PHACTR1: variants seen among roughly 807,000 people sequenced by gnomAD.
PHACTR1 encodes the protein RPEL repeat containing 1.
PHACTR1 carries 16 observed loss-of-function variants against 69.2 expected under a neutral mutation model. The ratio of observed to expected loss-of-function variants is 0.23; its 90% CI spans 0.16 to 0.35. The LOEUF is 0.35. Ranked by LOEUF, PHACTR1 falls within the 10% of genes least tolerant of loss-of-function variation. The pLI, the probability that PHACTR1 is intolerant of heterozygous loss-of-function variation, is 1.00. For synonymous variants in PHACTR1, 312 were observed against 284.5 expected (o/e 1.10, Z -0.97); for missense variants, 510 against 734.7 (o/e 0.69, Z 3.54).
chr6:13,108,075 A>G (rs1310195275), intron 5 of PHACTR1, among the ~76,000 whole-genome samples: 1 of 151,884 alleles, frequency 6.6e-6, no homozygotes. Flanking sequence ...GGTAGTTTAC[A>G]TTTTCATTAT....
At chr6:12,865,477 T>TGC (rs1327364816) in intron 4 of PHACTR1, among the ~76,000 whole-genome samples, 13 of 151,742 alleles carry the variant, frequency 8.6e-5, no homozygotes, top group Non-Finnish European at 5.9e-5. Flanking sequence ...TGTGTGTGTG[T>TGC]GTGCCTGCGT....
chr6:13,178,589 T>C (rs1761737638), intron 6 of PHACTR1, among the ~76,000 whole-genome samples: 1 of 152,262 alleles, frequency 6.6e-6, no homozygotes, highest in South Asian at 2.1e-4. Flanking sequence ...CGGGTTGCTA[T>C]GCCAGCTACA....
chr6:13,167,074 A>G (rs1035565291), intron 6 of PHACTR1, among the ~76,000 whole-genome samples: 16 of 152,240 alleles, frequency 1.1e-4, no homozygotes, highest in Non-Finnish European at 2.2e-4. Context: ...TGAAGCCCAG[A>G]AAGGTTATTG....
intron 4 of PHACTR1, chr6:12,933,527 T>C (rs1789099507): frequency 2.2e-5 from 33 of 1,530,918 alleles, no homozygotes; most frequent in Non-Finnish European, 2.8e-5. Context: ...TTAGAACTGA[T>C]GACTATTTAA....
intron 4 of PHACTR1, among the ~76,000 whole-genome samples, chr6:12,954,503 G>T (rs2127557183): frequency 6.6e-6 from 1 of 152,036 alleles, no homozygotes; most frequent in Non-Finnish European, 1.5e-5. Flanking sequence ...GTGACAGGTA[G>T]ACTTGATAAG....
chr6:12,760,435 G>C (rs1249783272), intron 4 of PHACTR1, among the ~76,000 whole-genome samples: 1 of 152,124 alleles, frequency 6.6e-6, no homozygotes, highest in Admixed American at 6.5e-5. Context: ...CTTACAAATG[G>C]CCACGTGGAA....
At position 13,203,550 on chromosome 6, in the gene PHACTR1, T is replaced by A. The variant is rs375836138; in HGVS notation, c.665-2265T>A. Among the ~76,000 whole-genome samples, 12 of 152,296 alleles carry A rather than the reference T, an allele frequency of 7.9e-5. 1 individual carries two copies. Among genetic ancestry groups the A allele is most frequent in the African/African-American group, 1.7e-4 (7 of 41,558 alleles). On this transcript the variant is annotated intron_variant, in intron 7 of 14. Transcript: ENST00000332995. ...ATCATTAACACGATTAACACGGACA[T>A]AATATGCATCCACGTTCCCACTCTC...
chr6:12,788,145 G>T (rs1771775467), intron 4 of PHACTR1, among the ~76,000 whole-genome samples: 1 of 147,234 alleles, frequency 6.8e-6, no homozygotes, highest in South Asian at 2.2e-4. Flanking sequence ...GTGACAGAAT[G>T]AGACTCAATC....
intron 4 of PHACTR1, among the ~76,000 whole-genome samples, chr6:13,023,574 CTG>C (rs1402949211): frequency 1.3e-5 from 2 of 152,318 alleles, no homozygotes; most frequent in East Asian, 3.9e-4. Flanking sequence ...ATTTTTAGGA[CTG>C]TGACATTCTG....
At chr6:12,883,197 C>G (rs781411208) in intron 4 of PHACTR1, among the ~76,000 whole-genome samples, 12 of 152,098 alleles carry the variant, frequency 7.9e-5, no homozygotes, top group Non-Finnish European at 1.6e-4. Flanking sequence ...TATATCAAAA[C>G]AAGAATGTCA....
At position 13,075,423 on chromosome 6, in the gene PHACTR1, C is replaced by A. The variant is rs1476108060; in HGVS notation, c.415+21894C>A. On this transcript the variant is annotated intron_variant, in intron 5 of 14. Coordinates refer to ENST00000332995, the MANE Select transcript of PHACTR1 (RefSeq NM_030948.6). The stretch of plus-strand genomic sequence containing the variant: ...GCCACCATCGAAACAAGAAGCTGAT[C>A]CCTTGAGTAAGGTCTTTGTAATGAC... Among the ~76,000 whole-genome samples the A allele has an allele frequency of 2.0e-5, 3 of 152,108 alleles. No individual in the cohort carries two copies. The East Asian group carries it at 5.8e-4, about 29-fold the overall frequency.
At chr6:13,109,097 T>C (rs992175959) in intron 5 of PHACTR1, among the ~76,000 whole-genome samples, 1 of 152,042 alleles carries the variant, frequency 6.6e-6, no homozygotes. Context: ...ACCTCCATTT[T>C]CCTCCTCACT....
chr6:13,278,452 T>C, intron 12 of PHACTR1, 123 bp downstream of exon 12: 2 of 801,610 alleles, frequency 2.5e-6, no homozygotes, highest in Non-Finnish European at 4.1e-6. Flanking sequence ...TGTCAGAGAG[T>C]GCCACTCTCT....
chr6:12,961,601 C>T (rs923056853), intron 4 of PHACTR1, among the ~76,000 whole-genome samples: 10 of 152,116 alleles, frequency 6.6e-5, no homozygotes, highest in African/African-American at 2.4e-4. Flanking sequence ...AAGAAATTGA[C>T]CTCCCAAAGA....
chr6:12,788,483 A>T (rs1771826774), intron 4 of PHACTR1, among the ~76,000 whole-genome samples: 1 of 152,220 alleles, frequency 6.6e-6, no homozygotes, highest in South Asian at 2.1e-4. Flanking sequence ...TCATCAGGAC[A>T]CTGAGAATAT....
At chr6:13,136,148 T>C (rs928382177) in intron 5 of PHACTR1, among the ~76,000 whole-genome samples, 1 of 152,054 alleles carries the variant, frequency 6.6e-6, no homozygotes, top group Non-Finnish European at 1.5e-5. Flanking sequence ...TTTTCCATCA[T>C]GTTTTTTGAC....
intron 4 of PHACTR1, among the ~76,000 whole-genome samples, chr6:12,815,043 G>A (rs1243735806): frequency 6.6e-6 from 1 of 152,158 alleles, no homozygotes; most frequent in Non-Finnish European, 1.5e-5. Context: ...AGTCTCCCAT[G>A]CAGACAATTA....
At chr6:13,133,604 T>G (rs1221532916) in intron 5 of PHACTR1, among the ~76,000 whole-genome samples, 5 of 152,256 alleles carry the variant, frequency 3.3e-5, no homozygotes, top group East Asian at 1.9e-4. Context: ...GTGCTCAATG[T>G]TGCCCAGGCT....
chr6:12,947,071 A>G (rs2127548520), intron 4 of PHACTR1, among the ~76,000 whole-genome samples: 1 of 151,988 alleles, frequency 6.6e-6, no homozygotes, highest in East Asian at 1.9e-4. Context: ...TCGGCCTCCG[A>G]AAGTGCTGGG....
Sources: allele counts gnomAD v4.1 joint callset (sites outside exome capture counted in the v4.1 genomes callset), GRCh38; gene constraint gnomAD v4.1.1; transcripts MANE v1.5; gene names NCBI Gene and HGNC (gene_info 2026-07-23, HGNC 2026-07-21).